Variants in TMEM94 observed in about 807,000 individuals in gnomAD.
TMEM94 encodes transmembrane protein 94, also known as ER Mg2+ ATPase.
TMEM94 carries 81 observed loss-of-function variants against 158.6 expected under a neutral mutation model. That is an observed-to-expected ratio of 0.51 (90% CI 0.43 to 0.61). TMEM94 has a LOEUF of 0.61. TMEM94 is among the 20% of genes least tolerant of loss of function. TMEM94 has a pLI of 0.00. For missense variants in TMEM94, 1,435 were observed against 1,762.0 expected (o/e 0.81, Z 3.32); for synonymous variants, 751 against 730.7 (o/e 1.03, Z -0.45).
chr17:75,499,645 A>AGG lies in TMEM94; in HGVS notation c.*313_*314dup, dbSNP rs1282080633. 5 of 346,326 alleles carry AGG rather than the reference A, an allele frequency of 1.4e-5. No homozygotes were observed. The highest frequency in any genetic ancestry group is 2.7e-5 in the Non-Finnish European group (5 of 188,000). The allele number at this position is 346,326 out of a possible 1,614,324, so 21.5% of individuals were successfully genotyped here. A position where few individuals can be genotyped will look rare whatever the true frequency, so the allele number is the denominator to read the frequency against. ...CCCTCACCTGTGAGCTACCCCCTTT[A>AGG]GGGATCCCTTGCCCCCTTGGAGATC... On this transcript the variant is annotated 3_prime_UTR_variant, in exon 32 of 32. Coordinates refer to ENST00000314256, the MANE Select transcript of TMEM94 (RefSeq NM_014738.6).
intron 2 of TMEM94, among the ~76,000 whole-genome samples, chr17:75,482,924 T>C (rs2051291590): frequency 6.6e-6 from 1 of 152,228 alleles, no homozygotes; most frequent in South Asian, 2.1e-4. Context: ...GAGCCAGCTG[T>C]GTCAATCTGT....
At chr17:75,483,017 C>T (rs2146489156) in intron 2 of TMEM94, among the ~76,000 whole-genome samples, 1 of 152,280 alleles carries the variant, frequency 6.6e-6, no homozygotes, top group Non-Finnish European at 1.5e-5. Context: ...AAGTGCAGCC[C>T]TGGGTTTTGG....
chr17:75,491,828 C>T lies in TMEM94; in HGVS notation c.1524C>T (p.Arg508=), dbSNP rs767754634. The change falls in exon 14 of 32, where the codon CGC becomes CGT. Residue 508 remains arginine, a synonymous_variant. Transcript: ENST00000314256. The surrounding 1 kb of genome is among the most constrained non-coding windows in gnomAD (Gnocchi z 5.1). ...EPYSHHKAHG[R]SKHPSGSNVS... Reference sequence around the variant, plus strand: ...ATTCACACCACAAAGCGCATGGCCGCAGCAAACACCCATCTGGCTCCAACG... The same window carrying T: ...ATTCACACCACAAAGCGCATGGCCGTAGCAAACACCCATCTGGCTCCAACG... The T allele has an allele frequency of 6.2e-7, 1 of 1,614,112 alleles. No homozygotes were observed.
At position 75,495,312 on chromosome 17, in the gene TMEM94, C is replaced by A; in HGVS notation, c.2757C>A (p.Leu919=). The A allele has an allele frequency of 3.7e-6, 6 of 1,613,346 alleles. No homozygotes were observed. The highest frequency in any genetic ancestry group is 4.2e-6 in the Non-Finnish European group (5 of 1,179,648). ...CCCGAGATGATGCAGAAGGGCTCCT[C>A]CTCATGGAGGAGGAGGGCCACTCGG... The part of the protein sequence containing the change: ...QVSRDDAEGL[L]LMEEEGHSDL... Residue 919 remains leucine, a synonymous_variant, in exon 21 of 32, where the codon CTC becomes CTA. Coordinates refer to ENST00000314256, the MANE Select transcript of TMEM94 (RefSeq NM_014738.6). This position sits in a 1 kb window ranked among gnomAD's most constrained non-coding sequence, Gnocchi z 5.6.
chr17:75,475,666 G>A (rs1256611890), intron 2 of TMEM94, among the ~76,000 whole-genome samples: 5 of 152,234 alleles, frequency 3.3e-5, no homozygotes, highest in Non-Finnish European at 7.3e-5. Context: ...GCTGAGGCAG[G>A]AGCCCCAGGT....
Position 75,491,911 on chromosome 17 carries a change from G to A in TMEM94, c.1596+11G>A, listed in dbSNP as rs201760105. 1,410 of 1,600,830 alleles carry A rather than the reference G, an allele frequency of 8.8e-4. 3 individuals are homozygous for A. The highest frequency in any genetic ancestry group is 2.9e-3 in the Admixed American group (170 of 58,042). ...GAAGAGCCCAGCAAGGTGACGGGAGGGGGTGGCACGGGGCAGCCACACCCT... is the reference window on the plus strand; with the variant it reads ...GAAGAGCCCAGCAAGGTGACGGGAGAGGGTGGCACGGGGCAGCCACACCCT... On this transcript the variant is annotated intron_variant, in intron 14 of 31. Coordinates refer to ENST00000314256, the MANE Select transcript of TMEM94 (RefSeq NM_014738.6). The surrounding 1 kb of genome is among the most constrained non-coding windows in gnomAD (Gnocchi z 5.1).
chr17:75,459,338 C>G (rs2049994138), intron 1 of TMEM94, among the ~76,000 whole-genome samples: 1 of 152,164 alleles, frequency 6.6e-6, no homozygotes, highest in South Asian at 2.1e-4. Flanking sequence ...CTTGAACCAC[C>G]AGACCACCAT....
chr17:75,477,412 C>T (rs1208027023), intron 2 of TMEM94, among the ~76,000 whole-genome samples: 2 of 152,090 alleles, frequency 1.3e-5, no homozygotes, highest in Non-Finnish European at 2.9e-5. Context: ...ACAGTGGGGA[C>T]CCAGAGAGGG....
intron 1 of TMEM94, among the ~76,000 whole-genome samples, chr17:75,469,026 G>A (rs1366307558): frequency 2.6e-5 from 4 of 152,166 alleles, no homozygotes; most frequent in African/African-American, 9.7e-5. Context: ...GAGGGCTGGT[G>A]AGGGTAGGTG....
chr17:75,485,798 G>A lies in TMEM94; in HGVS notation c.145-73G>A. On this transcript the variant is annotated intron_variant, in intron 3 of 31. Transcript: ENST00000314256. The surrounding 1 kb of genome is among the most constrained non-coding windows in gnomAD (Gnocchi z 5.5). ...CCAAGGCGGCCATGGGGGCTGGGAAGGGTGCCGGGGGAGGCAGCCAGATTG... is the reference window on the plus strand; with the variant it reads ...CCAAGGCGGCCATGGGGGCTGGGAAAGGTGCCGGGGGAGGCAGCCAGATTG... 1 of 1,512,216 alleles carries A rather than the reference G, an allele frequency of 6.6e-7. No individual in the cohort carries two copies. The highest frequency in any genetic ancestry group is 2.4e-5 in the East Asian group (1 of 42,078). The allele number at this position is 1,512,216 out of a possible 1,614,324, so 93.7% of individuals were successfully genotyped here.
chr17:75,499,662 T>C lies in TMEM94; in HGVS notation c.*328T>C. On this transcript the variant is annotated 3_prime_UTR_variant, in exon 32 of 32. Coordinates refer to ENST00000314256, the MANE Select transcript of TMEM94 (RefSeq NM_014738.6). ...CCCCCTTTAGGGATCCCTTGCCCCC[T>C]TGGAGATCCCTTGCCCCCCAGTGCC... 2 of 292,956 alleles carry C rather than the reference T, an allele frequency of 6.8e-6. No individual in the cohort carries two copies. Among genetic ancestry groups the C allele is most frequent in the East Asian group, 7.1e-5 (1 of 14,094 alleles). 18.1% of individuals were successfully genotyped at this position (292,956 alleles called of 1,614,324 possible). A position where few individuals can be genotyped will look rare whatever the true frequency, so the allele number is the denominator to read the frequency against.
chr17:75,490,301 G>A lies in TMEM94; in HGVS notation c.1022G>A (p.Gly341Glu). Reference protein sequence around the residue: ...PVLWVLATACGEARVLAQMSK... With the variant: ...PVLWVLATACEEARVLAQMSK... Reference sequence around the variant, plus strand: ...CTCTGGGTTCTGGCAACTGCCTGTGGAGAGGCCCGTGTCCTGGCCCAGATG... The same window carrying A: ...CTCTGGGTTCTGGCAACTGCCTGTGAAGAGGCCCGTGTCCTGGCCCAGATG... Residue 341 changes from glycine (G) to glutamate (E), a missense_variant, in exon 10 of 32, where the codon GGA becomes GAA. Transcript: ENST00000314256. 1 of 1,614,126 alleles carries A rather than the reference G, an allele frequency of 6.2e-7. No homozygotes were observed. Among genetic ancestry groups the A allele is most frequent in the Non-Finnish European group, 8.5e-7 (1 of 1,180,034 alleles).
At position 75,493,070 on chromosome 17, in the gene TMEM94, T is replaced by C; in HGVS notation, c.2054T>C (p.Met685Thr). ...AAGCGGCGGCCTCCCCTCAGCCACATGATCAGCCTCTTCATTAAAGACACC... is the reference window on the plus strand; with the variant it reads ...AAGCGGCGGCCTCCCCTCAGCCACACGATCAGCCTCTTCATTAAAGACACC... ...VTKRRPPLSH[M>T]ISLFIKDTTT... Residue 685 changes from methionine to threonine, a missense_variant, in exon 16 of 32, where the codon ATG becomes ACG. Coordinates refer to ENST00000314256, the MANE Select transcript of TMEM94 (RefSeq NM_014738.6). The C allele has an allele frequency of 6.2e-7, 1 of 1,613,376 alleles. No individual in the cohort carries two copies. The highest frequency in any genetic ancestry group is 8.5e-7 in the Non-Finnish European group (1 of 1,180,004).
rs372473678 is a variant in TMEM94 at position 75,498,368 on chromosome 17, G to A, written c.3638+45G>A. 4.3e-6 allele frequency: 7 copies of A among 1,612,180 alleles called. No homozygotes were observed. The highest frequency in any genetic ancestry group is 1.1e-5 in the South Asian group (1 of 91,062). ...ATCCACCCATCGCCTGCCTCGCCTC[G>A]AGGCTTCCTCCCTCCCCACCCCAGC... On this transcript the variant is annotated intron_variant, in intron 28 of 31. Transcript: ENST00000314256. The surrounding 1 kb of genome is among the most constrained non-coding windows in gnomAD (Gnocchi z 6.7).
chr17:75,489,335 G>A lies in TMEM94; in HGVS notation c.834G>A (p.Ser278=), dbSNP rs374094463. ...ACAATGAGCGGTTCACAGTGCAGTC[G>A]GTGATGCTACACTATGCTGTGCCCG... is the stretch of plus-strand genomic sequence containing the variant. ...ALDNERFTVQ[S]VMLHYAVPVV... is the part of the protein sequence containing the mutation. The change falls in exon 8 of 32, where the codon TCG becomes TCA. Residue 278 remains serine (S), a synonymous_variant. Coordinates refer to ENST00000314256, the MANE Select transcript of TMEM94 (RefSeq NM_014738.6). The surrounding 1 kb of genome is among the most constrained non-coding windows in gnomAD (Gnocchi z 5.0). 4.0e-5 allele frequency: 64 copies of A among 1,614,064 alleles called. No individual in the cohort carries two copies. The highest frequency in any genetic ancestry group is 5.0e-5 in the Non-Finnish European group (59 of 1,180,032).
intron 1 of TMEM94, among the ~76,000 whole-genome samples, chr17:75,466,151 A>G (rs1047117867): frequency 6.6e-6 from 1 of 152,162 alleles, no homozygotes; most frequent in Non-Finnish European, 1.5e-5. Context: ...CCAAGTTATA[A>G]AGATTCCTGC....
chr17:75,498,401 C>G lies in TMEM94; in HGVS notation c.3639-43C>G. ...CTCCCTCCCCACCCCAGCCTACCTC[C>G]CTGCGGCCCTAGAGGGGCTGAGCCC... On this transcript the variant is annotated intron_variant, in intron 28 of 31. Transcript: ENST00000314256. The surrounding 1 kb of genome is among the most constrained non-coding windows in gnomAD (Gnocchi z 6.7). 1 of 1,608,888 alleles carries G rather than the reference C, an allele frequency of 6.2e-7. No homozygotes were observed. The highest frequency in any genetic ancestry group is 8.5e-7 in the Non-Finnish European group (1 of 1,177,076).
chr17:75,462,642 G>T (rs534773928), intron 1 of TMEM94, among the ~76,000 whole-genome samples: 1 of 151,136 alleles, frequency 6.6e-6, no homozygotes, highest in African/African-American at 2.4e-5. Context: ...AGGAGTTCGA[G>T]ACCAGCCTGG....
At chr17:75,479,688 T>C (rs2051005821) in intron 2 of TMEM94, among the ~76,000 whole-genome samples, 1 of 151,696 alleles carries the variant, frequency 6.6e-6, no homozygotes, top group African/African-American at 2.4e-5. Context: ...GAGGCTGAGG[T>C]GGGCAGATCA....
Sources: allele counts gnomAD v4.1 joint callset (sites outside exome capture counted in the v4.1 genomes callset), GRCh38; gene constraint gnomAD v4.1.1; non-coding constraint Gnocchi (gnomAD v3.1); transcripts MANE v1.5; gene names NCBI Gene and HGNC (gene_info 2026-07-23, HGNC 2026-07-21).